The following APOL5 variants were observed in gnomAD, a reference collection of about 807,000 sequenced individuals.
APOL5 encodes the protein apolipoprotein L5, also known as apolipoprotein L, 5.
APOL5 carries 29 observed loss-of-function variants against 35.5 expected under a neutral mutation model. That is an observed-to-expected ratio of 0.82 (90% CI 0.61 to 1.11). APOL5 has a LOEUF of 1.11. Among genes scored for constraint, APOL5 ranks in the 50% most tolerant of loss-of-function variants. APOL5 has a pLI of 0.00. For synonymous variants in APOL5, 188 were observed against 200.2 expected (o/e 0.94, Z 0.51); for missense variants, 514 against 530.4 (o/e 0.97, Z 0.30).
At chr22:35,718,059 T>A in intron 1 of APOL5, 133 bp downstream of exon 1, 1 of 597,208 alleles carries the variant, frequency 1.7e-6, no homozygotes, top group South Asian at 5.3e-5. Flanking sequence ...TAGCAGATCC[T>A]TGGTTTTAAT....
chr22:35,727,153 G>A lies in APOL5; in HGVS notation c.1085G>A (p.Arg362Gln), dbSNP rs548278302. 8 of 1,606,916 alleles carry A rather than the reference G, an allele frequency of 5.0e-6. No homozygotes were observed. The Admixed American group carries it at 8.3e-5, about 17-fold the overall frequency. ...QKASQTCSSS[R>Q]GRAVRGSRVV... ...GCGAGCCAGACCTGTTCCAGCTCCC[G>A]GGGCAGGGCTGTTCGAGGATCCCGT... The change falls in exon 3 of 5, where the codon CGG becomes CAG. Residue 362 changes from arginine (R) to glutamine (Q), a missense_variant. Coordinates refer to ENST00000249044, the MANE Select transcript of APOL5 (RefSeq NM_030642.1).
At chr22:35,722,952 T>C (rs770687215) in intron 2 of APOL5, among the ~76,000 whole-genome samples, 4 of 152,168 alleles carry the variant, frequency 2.6e-5, no homozygotes, top group Non-Finnish European at 5.9e-5. Flanking sequence ...GAGGGGGCAC[T>C]GAACTCCTAG....
chr22:35,727,511 G>A (rs1311033886), intron 3 of APOL5, among the ~76,000 whole-genome samples: 1 of 152,214 alleles, frequency 6.6e-6, no homozygotes, highest in Non-Finnish European at 1.5e-5. Context: ...TAATTTGGCG[G>A]ATAGGGGTCC....
At chr22:35,716,687 G>A (rs911264357), upstream of APOL5, among the ~76,000 whole-genome samples, 3 of 152,030 alleles carry the variant, frequency 2.0e-5, no homozygotes, top group Non-Finnish European at 4.4e-5. Flanking sequence ...AGCTAAGCCT[G>A]TTCACATTTG....
chr22:35,715,849 C>A (rs1926727499), upstream of APOL5, among the ~76,000 whole-genome samples: 1 of 152,108 alleles, frequency 6.6e-6, no homozygotes, highest in Admixed American at 6.5e-5. Context: ...TCAGCTGAAA[C>A]CTCTGCACTG....
chr22:35,708,859 T>C, the APOL5 span, among the ~76,000 whole-genome samples: 972 of 152,258 alleles, frequency 6.4e-3, 4 homozygotes, highest in Non-Finnish European at 6.0e-3. Flanking sequence ...GGGACCCATA[T>C]AGGAACAAAA....
chr22:35,717,864 T>G, upstream of APOL5: 1 of 1,566,988 alleles, frequency 6.4e-7, no homozygotes, highest in Non-Finnish European at 8.6e-7. Context: ...TTTTAAAAAA[T>G]CTAAAGCATG....
At chr22:35,725,417 G>T (rs1175414385) in intron 2 of APOL5, among the ~76,000 whole-genome samples, 1 of 151,988 alleles carries the variant, frequency 6.6e-6, no homozygotes, top group Non-Finnish European at 1.5e-5. Flanking sequence ...ACCACACCCG[G>T]CTAACTTTTG....
the APOL5 span, among the ~76,000 whole-genome samples, chr22:35,708,427 GA>G: frequency 0.013 from 1,720 of 129,074 alleles, 26 homozygotes; most frequent in Middle Eastern, 0.078. Context: ...TCAAAAAAAA[GA>G]AAAAAAAAAA....
chr22:35,724,307 G>A (rs1275460920), intron 2 of APOL5, among the ~76,000 whole-genome samples: 1 of 150,260 alleles, frequency 6.7e-6, no homozygotes, highest in Non-Finnish European at 1.5e-5. Context: ...AAAAAAATGG[G>A]TCTCCTTAAA....
chr22:35,720,546 C>T (rs76678345), intron 1 of APOL5, 22 bp from the exon 2 acceptor site: 51,705 of 1,612,234 alleles, frequency 0.032, 1,069 homozygotes, highest in Middle Eastern at 0.07. Flanking sequence ...AAGAAATGTC[C>T]CTGATCCTTG....
At chr22:35,712,322 C>T in the APOL5 span, among the ~76,000 whole-genome samples, 3 of 151,978 alleles carry the variant, frequency 2.0e-5, no homozygotes, top group Non-Finnish European at 2.9e-5. Context: ...TTTTATTTTT[C>T]GGTAAGAGTC....
chr22:35,722,772 C>G (rs1927017630), intron 2 of APOL5, among the ~76,000 whole-genome samples: 1 of 152,062 alleles, frequency 6.6e-6, no homozygotes, highest in African/African-American at 2.4e-5. Context: ...CACTAGGTCA[C>G]AGCAGCACTC....
At chr22:35,716,768 A>T (rs964533735), upstream of APOL5, among the ~76,000 whole-genome samples, 1 of 152,030 alleles carries the variant, frequency 6.6e-6, no homozygotes, top group Non-Finnish European at 1.5e-5. Context: ...ATAAGAAAAG[A>T]ATATAAAGAA....
intron 2 of APOL5, 30 bp from the exon 3 acceptor site, chr22:35,726,181 T>A: frequency 6.3e-7 from 1 of 1,591,722 alleles, no homozygotes; most frequent in South Asian, 1.1e-5. Flanking sequence ...TGCACACATT[T>A]TAGTGCTCAG....
chr22:35,728,747 C>G lies in APOL5; in HGVS notation c.1151C>G (p.Pro384Arg). 1 of 1,613,110 alleles carries G rather than the reference C, an allele frequency of 6.2e-7. No individual in the cohort carries two copies. Among genetic ancestry groups the G allele is most frequent in the Non-Finnish European group, 8.5e-7 (1 of 1,179,542 alleles). ...GGGTCTCGCTCACCTCTCCCCTGGC[C>G]TGTTGTGGAGCACCAGCCTAGGCTG... ...PEGSRSPLPW[P>R]VVEHQPRLGP... Residue 384 changes from proline (P) to arginine (R), a missense_variant, in exon 4 of 5, where the codon CCT becomes CGT. Pro to Arg is a moderately radical substitution (Grantham distance 103). Around this residue, in one of 3 missense-constraint regions of APOL5, gnomAD observed 238 missense variants for 229.1 expected, o/e 1.04. Transcript: ENST00000249044.
intron 2 of APOL5, 39 bp downstream of exon 2, chr22:35,720,693 A>G (rs777057908): frequency 2.1e-6 from 3 of 1,396,094 alleles, no homozygotes; most frequent in Non-Finnish European, 3.0e-6. Flanking sequence ...TATGGCCACA[A>G]TCCCAGCATC....
chr22:35,717,234 A>AT (rs1198677880), upstream of APOL5, among the ~76,000 whole-genome samples: 3,048 of 84,538 alleles, frequency 0.036, 85 homozygotes, highest in Non-Finnish European at 0.045. Flanking sequence ...AAAAAAAAAA[A>AT]AATATATATA....
chr22:35,724,627 G>A (rs540501727), intron 2 of APOL5, among the ~76,000 whole-genome samples: 1 of 151,448 alleles, frequency 6.6e-6, no homozygotes, highest in South Asian at 2.1e-4. Flanking sequence ...TTATTTTTTT[G>A]AGACGGAGTT....
Sources: gnomAD v4.1 joint callset for allele counts (sites outside exome capture counted in the v4.1 genomes callset) on GRCh38, gnomAD v4.1.1 for gene constraint, gnomAD v4.1.1 regional missense constraint, MANE v1.5 for transcripts, NCBI Gene and HGNC (gene_info 2026-07-23, HGNC 2026-07-21) for gene names.